Variants in TBC1D5 observed in about 807,000 individuals in gnomAD.
TBC1D5 encodes the protein TBC1 domain family, member 5.
A neutral mutation model predicts 100.3 loss-of-function variants in TBC1D5; 75 were observed. That is an observed-to-expected ratio of 0.75 (90% confidence interval 0.62 to 0.91). The LOEUF is 0.91. TBC1D5 is among the 40% of genes least tolerant of loss of function. The probability of loss-of-function intolerance (pLI) is 0.00; values close to 1 mark genes in which losing one functional copy is unlikely to be tolerated. For synonymous variants in TBC1D5, 323 were observed against 325.6 expected (o/e 0.99, Z 0.09); for missense variants, 910 against 942.4 (o/e 0.97, Z 0.45).
chr3:17,677,366 G>A (rs1384936127), intron 1 of TBC1D5, among the ~76,000 whole-genome samples: 1 of 152,180 alleles, frequency 6.6e-6, no homozygotes, highest in Non-Finnish European at 1.5e-5. Flanking sequence ...CTCAAAAGAA[G>A]ACATTTATGC....
intron 2 of TBC1D5, among the ~76,000 whole-genome samples, chr3:17,527,900 T>G (rs1300258281): frequency 3.3e-5 from 5 of 152,194 alleles, no homozygotes; most frequent in African/African-American, 1.2e-4. Flanking sequence ...CTAAATTTAA[T>G]TTGATTTTAT....
chr3:17,741,860 T>G (rs551145147), upstream of TBC1D5, among the ~76,000 whole-genome samples: 1 of 146,650 alleles, frequency 6.8e-6, no homozygotes, highest in South Asian at 2.3e-4. Flanking sequence ...CTCCGTTTCT[T>G]ACGTGTGAAT....
intron 2 of TBC1D5, among the ~76,000 whole-genome samples, chr3:17,615,633 G>A (rs931127720): frequency 6.6e-6 from 1 of 152,120 alleles, no homozygotes; most frequent in African/African-American, 2.4e-5. Flanking sequence ...ATGTGTCCAG[G>A]AATTCATCCA....
chr3:17,641,508 A>G (rs2064501090), intron 1 of TBC1D5, among the ~76,000 whole-genome samples: 1 of 152,188 alleles, frequency 6.6e-6, no homozygotes, highest in Non-Finnish European at 1.5e-5. Context: ...ATTAAATAAT[A>G]TGATTAATAT....
intron 1 of TBC1D5, among the ~76,000 whole-genome samples, chr3:17,732,048 T>C (rs951244368): frequency 5.3e-5 from 8 of 152,166 alleles, no homozygotes. Flanking sequence ...CCAGGCCTAG[T>C]GGTTCACACC....
intron 1 of TBC1D5, among the ~76,000 whole-genome samples, chr3:17,727,927 T>TA (rs2076253058): frequency 1.3e-5 from 2 of 152,170 alleles, no homozygotes. Context: ...CCACACTATA[T>TA]TACAAAGTAA....
chr3:17,464,171 G>T (rs760753726), intron 3 of TBC1D5, among the ~76,000 whole-genome samples: 1 of 151,634 alleles, frequency 6.6e-6, no homozygotes, highest in South Asian at 2.1e-4. Flanking sequence ...GGCTGGTCTC[G>T]AACTCCAGGT....
At chr3:17,354,682 A>G (rs558019612) in intron 13 of TBC1D5, among the ~76,000 whole-genome samples, 50 of 151,970 alleles carry the variant, frequency 3.3e-4, no homozygotes, top group African/African-American at 1.2e-3. Flanking sequence ...AATCACTGTA[A>G]TTTTTACAAC....
At position 17,384,648 on chromosome 3, in the gene TBC1D5, ATT is replaced by A. The variant is rs1380742313; in HGVS notation, c.510-635_510-634del. Among the ~76,000 whole-genome samples the A allele has an allele frequency of 2.0e-5, 3 of 152,046 alleles. No individual in the cohort carries two copies. In the East Asian group the frequency reaches 5.8e-4, roughly 29 times the overall value. The stretch of plus-strand genomic sequence containing the variant: ...TTAATCACAGAGAGTTTGAACAATA[ATT>A]TTTAGGAGAGGAGGAACATGGAACA... On this transcript the variant is annotated intron_variant, in intron 8 of 21. Transcript: ENST00000253692.
chr3:17,425,042 T>A (rs1439112437), intron 4 of TBC1D5, among the ~76,000 whole-genome samples: 2 of 152,194 alleles, frequency 1.3e-5, no homozygotes, highest in Non-Finnish European at 2.9e-5. Flanking sequence ...AAACATTTAT[T>A]TTCTTGTAAA....
intron 14 of TBC1D5, among the ~76,000 whole-genome samples, chr3:17,296,440 T>TGAAGA (rs2150260030): frequency 6.6e-6 from 1 of 152,338 alleles, no homozygotes; most frequent in African/African-American, 2.4e-5. Flanking sequence ...CATCTTCACC[T>TGAAGA]TTATTTAAAG....
chr3:17,447,315 A>G (rs1466613371), intron 3 of TBC1D5, among the ~76,000 whole-genome samples: 1 of 152,222 alleles, frequency 6.6e-6, no homozygotes, highest in Non-Finnish European at 1.5e-5. Context: ...ATCCTAGCTT[A>G]AGTTACTAAG....
chr3:17,197,760 G>A (rs1559391822), intron 18 of TBC1D5, among the ~76,000 whole-genome samples: 1 of 152,162 alleles, frequency 6.6e-6, no homozygotes, highest in Non-Finnish European at 1.5e-5. Flanking sequence ...CGCTGGATGG[G>A]GTGCAGTAGC....
intron 1 of TBC1D5, among the ~76,000 whole-genome samples, chr3:17,712,096 G>A (rs541710050): frequency 6.6e-6 from 1 of 151,686 alleles, no homozygotes; most frequent in Admixed American, 6.6e-5. Flanking sequence ...AGCATCACAG[G>A]CTAAAATTAT....
At chr3:17,250,661 G>A (rs147118246) in intron 16 of TBC1D5, among the ~76,000 whole-genome samples, 6 of 152,270 alleles carry the variant, frequency 3.9e-5, no homozygotes, top group Non-Finnish European at 8.8e-5. Flanking sequence ...AATCCACGTG[G>A]CACCCTCACT....
chr3:17,689,035 T>C (rs2070722463), intron 1 of TBC1D5, among the ~76,000 whole-genome samples: 1 of 152,158 alleles, frequency 6.6e-6, no homozygotes, highest in South Asian at 2.1e-4. Context: ...TAATTACCAT[T>C]AATAGAGTCT....
At chr3:17,507,897 T>C (rs2095860338) in intron 3 of TBC1D5, among the ~76,000 whole-genome samples, 1 of 152,136 alleles carries the variant, frequency 6.6e-6, no homozygotes, top group Non-Finnish European at 1.5e-5. Flanking sequence ...TTCTGATACA[T>C]AAACATTTGA....
chr3:17,637,317 C>T (rs1279831375), intron 1 of TBC1D5, among the ~76,000 whole-genome samples: 3 of 147,996 alleles, frequency 2.0e-5, no homozygotes, highest in Admixed American at 1.4e-4. Flanking sequence ...GCTGGGATTA[C>T]AGGCGTGAGC....
At chr3:17,312,308 G>A (rs2084126164) in intron 13 of TBC1D5, among the ~76,000 whole-genome samples, 2 of 152,042 alleles carry the variant, frequency 1.3e-5, no homozygotes, top group Admixed American at 6.6e-5. Flanking sequence ...TAAGGGCTCT[G>A]CAGAATACAT....
Sources: gnomAD v4.1 joint callset for allele counts (sites outside exome capture counted in the v4.1 genomes callset) on GRCh38, gnomAD v4.1.1 for gene constraint, MANE v1.5 for transcripts, NCBI Gene and HGNC (gene_info 2026-07-23, HGNC 2026-07-21) for gene names.